Variants in SYT14 observed in about 807,000 individuals in gnomAD.
The protein encoded by SYT14 is synaptotagmin-14.
In SYT14, 32 loss-of-function variants were observed where a neutral mutation model predicts 74.2. The observed-to-expected ratio is 0.43, with a 90% CI of 0.33 to 0.58. SYT14 has a LOEUF of 0.58. Among genes scored for constraint, SYT14 ranks in the 20% least tolerant of loss-of-function variants. The probability of loss-of-function intolerance (pLI) is 0.05; values close to 1 mark genes in which losing one functional copy is unlikely to be tolerated. For missense variants in SYT14, 791 were observed against 981.8 expected, an observed-to-expected ratio of 0.81 and a Z score of 2.60; for synonymous variants, 298 against 337.7, an observed-to-expected ratio of 0.88 and a Z score of 1.29.
At chr1:210,131,536 TATC>T (rs2082674186) in intron 7 of SYT14, among the ~76,000 whole-genome samples, 2 of 151,622 alleles carry the variant, frequency 1.3e-5, no homozygotes, top group African/African-American at 4.8e-5. Context: ...TTCTATTTTT[TATC>T]ATTATTTATA....
intron 5 of SYT14, among the ~76,000 whole-genome samples, chr1:210,069,079 ATCTCT>A (rs1204117706): frequency 6.6e-6 from 1 of 151,738 alleles, no homozygotes; most frequent in Non-Finnish European, 1.5e-5. Context: ...GCTAAAAGAA[ATCTCT>A]TCTTGTTTCT....
chr1:209,983,837 T>C (rs2079529413), intron 2 of SYT14, among the ~76,000 whole-genome samples: 1 of 152,216 alleles, frequency 6.6e-6, no homozygotes, highest in Admixed American at 6.5e-5. Context: ...TAAGTAGAAA[T>C]GAGATTGTCC....
At chr1:209,965,258 G>A (rs1026678746) in intron 2 of SYT14, among the ~76,000 whole-genome samples, 1 of 151,944 alleles carries the variant, frequency 6.6e-6, no homozygotes, top group Admixed American at 6.6e-5. Flanking sequence ...TAGAGTCCCC[G>A]TGTCTATTGT....
chr1:210,140,651 T>C (rs1211049727), intron 7 of SYT14, among the ~76,000 whole-genome samples: 1 of 152,194 alleles, frequency 6.6e-6, no homozygotes, highest in Non-Finnish European at 1.5e-5. Context: ...AATTTAGGAC[T>C]ATGATCCATT....
At chr1:210,110,612 G>A (rs1039839818) in intron 7 of SYT14, among the ~76,000 whole-genome samples, 20 of 152,148 alleles carry the variant, frequency 1.3e-4, no homozygotes, top group African/African-American at 2.2e-4. Flanking sequence ...AGAGTTTATC[G>A]TAGATCAGGG....
exon 10 of SYT14, chr1:210,161,851 T>C: frequency 2.2e-6 from 1 of 453,046 alleles, no homozygotes; most frequent in South Asian, 1.6e-5. Context: ...AGGAAGCTAA[T>C]AGAGCAGGAC....
chr1:210,063,056 G>T (rs2081235088), intron 5 of SYT14, among the ~76,000 whole-genome samples: 2 of 143,286 alleles, frequency 1.4e-5, no homozygotes, highest in South Asian at 2.2e-4. Flanking sequence ...TGATTTTGTT[G>T]ACCCAAAATT....
intron 1 of SYT14, among the ~76,000 whole-genome samples, chr1:209,940,754 A>G (rs1038604896): frequency 2.0e-5 from 3 of 152,070 alleles, no homozygotes; most frequent in African/African-American, 7.2e-5. Flanking sequence ...ACAGCTCTAG[A>G]GTGTTTTCTA....
At chr1:209,994,476 A>C (rs1057370554) in intron 2 of SYT14, among the ~76,000 whole-genome samples, 3 of 152,226 alleles carry the variant, frequency 2.0e-5, no homozygotes, top group Admixed American at 2.0e-4. Flanking sequence ...AAAACCTCTG[A>C]GAAATATGGG....
chr1:210,040,127 C>T (rs1049724624), intron 5 of SYT14, among the ~76,000 whole-genome samples: 1 of 152,166 alleles, frequency 6.6e-6, no homozygotes, highest in Admixed American at 6.5e-5. Context: ...CCCAGATACC[C>T]ACCAATGATA....
intron 6 of SYT14, among the ~76,000 whole-genome samples, chr1:210,095,815 C>T (rs530010264): frequency 8.6e-5 from 13 of 151,504 alleles, no homozygotes; most frequent in African/African-American, 1.5e-4. Flanking sequence ...AGTATCTGAC[C>T]GAGAAGAAAA....
At chr1:209,999,634 A>G (rs2079857428) in intron 2 of SYT14, among the ~76,000 whole-genome samples, 1 of 152,138 alleles carries the variant, frequency 6.6e-6, no homozygotes, top group Non-Finnish European at 1.5e-5. Context: ...ATTATGGTAA[A>G]TGAAATAAGC....
intron 7 of SYT14, among the ~76,000 whole-genome samples, chr1:210,148,353 A>C (rs573096336): frequency 6.6e-6 from 1 of 152,028 alleles, no homozygotes; most frequent in African/African-American, 2.4e-5. Context: ...CTAAAAATAC[A>C]AAAAAATTAG....
chr1:209,971,227 T>C (rs2079250614), intron 2 of SYT14, among the ~76,000 whole-genome samples: 1 of 152,200 alleles, frequency 6.6e-6, no homozygotes, highest in East Asian at 1.9e-4. Flanking sequence ...TTTTGTACTT[T>C]GATTTTGTAT....
At chr1:210,163,651 C>A (rs1281448630) in exon 10 of SYT14, 1 of 453,694 alleles carries the variant, frequency 2.2e-6, no homozygotes, top group Non-Finnish European at 4.4e-6. Flanking sequence ...TTCTCCTTCA[C>A]ACACAGCAAA....
At chr1:209,992,680 CAAAT>C (rs72112470) in intron 2 of SYT14, among the ~76,000 whole-genome samples, 34,198 of 151,794 alleles carry the variant, frequency 0.23, 4,102 homozygotes, top group Middle Eastern at 0.3. Context: ...TTATAAAAAA[CAAAT>C]AAATAAAAGG....
chr1:210,050,290 CAA>C (rs1558153905), intron 5 of SYT14, among the ~76,000 whole-genome samples: 1 of 152,196 alleles, frequency 6.6e-6, no homozygotes, highest in African/African-American at 2.4e-5. Flanking sequence ...TAAAACATAA[CAA>C]GAGTCACCTT....
At chr1:210,115,358 G>A (rs925911054) in intron 7 of SYT14, among the ~76,000 whole-genome samples, 4 of 150,154 alleles carry the variant, frequency 2.7e-5, no homozygotes, top group Admixed American at 1.3e-4. Context: ...AGAAGGGTTG[G>A]GGGGTGCTTG....
intron 5 of SYT14, among the ~76,000 whole-genome samples, chr1:210,072,196 C>A (rs968507219): frequency 6.6e-6 from 1 of 150,674 alleles, no homozygotes; most frequent in Non-Finnish European, 1.5e-5. Flanking sequence ...ATTAGAGATT[C>A]ATAATGTCTT....
Sources: gnomAD v4.1 joint callset for allele counts (sites outside exome capture counted in the v4.1 genomes callset) on GRCh38, gnomAD v4.1.1 for gene constraint, MANE v1.5 for transcripts, NCBI Gene and HGNC (gene_info 2026-07-23, HGNC 2026-07-21) for gene names.